The following TAB2 variants were observed in gnomAD, a reference collection of about 807,000 sequenced individuals.
TAB2 encodes TGF-beta activated kinase 1 (MAP3K7) binding protein 2.
In TAB2, 3 loss-of-function variants were observed where a neutral mutation model predicts 65.0. That is an observed-to-expected ratio of 0.05 (90% confidence interval 0.02 to 0.12). TAB2 has a LOEUF of 0.12. TAB2 is among the 10% of genes least tolerant of loss of function. The probability of loss-of-function intolerance (pLI) is 1.00; values close to 1 mark genes in which losing one functional copy is unlikely to be tolerated. For synonymous variants in TAB2, 298 were observed against 285.1 expected, an observed-to-expected ratio of 1.05 and a Z score of -0.46; for missense variants, 623 against 840.3, an observed-to-expected ratio of 0.74 and a Z score of 3.20.
At chr6:149,362,087 C>G (rs576143047) in intron 1 of TAB2, among the ~76,000 whole-genome samples, 1 of 152,188 alleles carries the variant, frequency 6.6e-6, no homozygotes, top group Admixed American at 6.5e-5. Context: ...TTCCTGAGTC[C>G]TGCAAACTCT....
chr6:149,296,983 T>A (rs987559585), intron 1 of TAB2, among the ~76,000 whole-genome samples: 15 of 152,188 alleles, frequency 9.9e-5, no homozygotes, highest in Admixed American at 2.6e-4. Flanking sequence ...AATAACACAA[T>A]AAAATCTAGA....
intron 1 of TAB2, among the ~76,000 whole-genome samples, chr6:149,361,333 G>C (rs1214922847): frequency 6.6e-6 from 1 of 152,194 alleles, no homozygotes; most frequent in Non-Finnish European, 1.5e-5. Context: ...GTGCACACCT[G>C]TAGGCTTAAC....
At chr6:149,382,234 T>G (rs1781635179) in intron 3 of TAB2, among the ~76,000 whole-genome samples, 1 of 152,212 alleles carries the variant, frequency 6.6e-6, no homozygotes, top group Non-Finnish European at 1.5e-5. Context: ...ACTAGTATTA[T>G]TTTTTAGACT....
intron 1 of TAB2, among the ~76,000 whole-genome samples, chr6:149,226,909 G>A (rs636847): frequency 0.22 from 33,716 of 152,078 alleles, 3,817 homozygotes; most frequent in Non-Finnish European, 0.24. Flanking sequence ...CAAAAGTGTT[G>A]GATAAATGAA....
intron 2 of TAB2, among the ~76,000 whole-genome samples, chr6:149,370,897 C>T (rs1209714311): frequency 6.6e-6 from 1 of 151,710 alleles, no homozygotes; most frequent in Non-Finnish European, 1.5e-5. Context: ...AAAACCCTGT[C>T]TCTACTGAAA....
intron 1 of TAB2, among the ~76,000 whole-genome samples, chr6:149,319,366 G>A (rs534274354): frequency 1.7e-3 from 256 of 152,252 alleles, no homozygotes; most frequent in African/African-American, 6.0e-3. Flanking sequence ...ACTTTTGACG[G>A]TTTGAAACTG....
chr6:149,302,473 GA>G lies in TAB2; in HGVS notation c.-120-75544del, dbSNP rs1388865886. The stretch of plus-strand genomic sequence containing the variant: ...TTGGTAGTGCACTTCCAACTACAGG[GA>G]GTATAATTGCCCAAAGGCCTCTGCT... On this transcript the variant is annotated intron_variant, in intron 1 of 1. Transcript: ENST00000606202. Among the ~76,000 whole-genome samples, 4 of 152,186 alleles carry G rather than the reference GA, an allele frequency of 2.6e-5. No individual in the cohort carries two copies. In the East Asian group the frequency reaches 5.8e-4, roughly 22 times the overall value.
At chr6:149,393,808 A>G (rs1782077235) in intron 3 of TAB2, among the ~76,000 whole-genome samples, 1 of 152,058 alleles carries the variant, frequency 6.6e-6, no homozygotes, top group Non-Finnish European at 1.5e-5. Context: ...TAAGTAAAGA[A>G]CATCTTTATC....
intron 1 of TAB2, chr6:149,342,632 A>G (rs529056044): frequency 6.6e-6 from 1 of 152,228 alleles, no homozygotes; most frequent in African/African-American, 2.4e-5. Flanking sequence ...ATCTGGTCAC[A>G]TTTCTTGTTC....
At chr6:149,388,098 G>A (rs1391550575) in intron 3 of TAB2, among the ~76,000 whole-genome samples, 6 of 152,180 alleles carry the variant, frequency 3.9e-5, no homozygotes, top group Non-Finnish European at 8.8e-5. Context: ...GCTTGGTTAT[G>A]TTGCAGTAAC....
At chr6:149,389,935 A>G (rs73779332) in intron 3 of TAB2, among the ~76,000 whole-genome samples, 2,215 of 152,360 alleles carry the variant, frequency 0.015, 50 homozygotes, top group African/African-American at 0.051. Flanking sequence ...AAATAATTAC[A>G]GAGATTAAGC....
At chr6:149,335,411 G>A (rs1357694241) in intron 1 of TAB2, among the ~76,000 whole-genome samples, 1 of 151,844 alleles carries the variant, frequency 6.6e-6, no homozygotes, top group Non-Finnish European at 1.5e-5. Context: ...CTGTCACCCA[G>A]GCTGGAGGGC....
chr6:149,400,697 T>G, intron 6 of TAB2: 1 of 1,611,030 alleles, frequency 6.2e-7, no homozygotes, highest in Non-Finnish European at 8.5e-7. Flanking sequence ...ACCTGCTTCT[T>G]TACTCCAGAA....
chr6:149,244,131 C>A (rs978179423), intron 1 of TAB2: 15 of 152,226 alleles, frequency 9.9e-5, no homozygotes, highest in African/African-American at 3.4e-4. Flanking sequence ...CCAACAGGTG[C>A]TATTGTACCA....
intron 1 of TAB2, among the ~76,000 whole-genome samples, chr6:149,363,533 A>G (rs1487746829): frequency 6.6e-6 from 1 of 152,238 alleles, no homozygotes; most frequent in Non-Finnish European, 1.5e-5. Context: ...ATGCCACAGT[A>G]AAATATTTTC....
chr6:149,403,245 AAAATATATATATATATATATATATAT>A lies in TAB2; in HGVS notation c.1939+4063_1939+4088del, dbSNP rs1314716414. The stretch of plus-strand genomic sequence containing the variant: ...GCGAAACTCTTGTCTAAAAAAAAAA[AAAATATATATATATATATATATATAT>A]ATATATATATATACACACACACACA... On this transcript the variant is annotated intron_variant, in intron 6 of 6. Coordinates refer to ENST00000637181, the MANE Select transcript of TAB2 (RefSeq NM_001292034.3). Among the ~76,000 whole-genome samples the A allele has an allele frequency of 4.9e-4, 23 of 47,172 alleles. No individual in the cohort carries two copies. In the South Asian group the frequency reaches 7.9e-3, roughly 16 times the overall value. The allele number at this position is 47,172 out of a possible 152,430, so 30.9% of individuals were successfully genotyped here.
intron 3 of TAB2, among the ~76,000 whole-genome samples, chr6:149,395,509 AC>A (rs1562451422): frequency 6.6e-6 from 1 of 152,218 alleles, no homozygotes; most frequent in East Asian, 1.9e-4. Context: ...TAAATACTGA[AC>A]ATGTATATTT....
intron 1 of TAB2, among the ~76,000 whole-genome samples, chr6:149,333,921 TTGTC>T (rs1365023209): frequency 1.3e-5 from 2 of 152,160 alleles, no homozygotes; most frequent in Non-Finnish European, 2.9e-5. Context: ...AAATAATTCT[TTGTC>T]TAGTAGGACA....
At chr6:149,330,789 C>A (rs1372838010) in intron 1 of TAB2, among the ~76,000 whole-genome samples, 1 of 152,082 alleles carries the variant, frequency 6.6e-6, no homozygotes, top group African/African-American at 2.4e-5. Flanking sequence ...TGATGAAGTT[C>A]ATTTTGTGCA....
Sources: gnomAD v4.1 joint callset for allele counts (sites outside exome capture counted in the v4.1 genomes callset) on GRCh38, gnomAD v4.1.1 for gene constraint, MANE v1.5 for transcripts, NCBI Gene and HGNC (gene_info 2026-07-23, HGNC 2026-07-21) for gene names.